The following BUD31 variants were observed in gnomAD, a reference collection of about 807,000 sequenced individuals.
BUD31 encodes BUD31 spliceosome associated protein, also known as protein BUD31 homolog.
A neutral mutation model predicts 17.9 loss-of-function variants in BUD31; 9 were observed. That is an observed-to-expected ratio of 0.50 (90% CI 0.30 to 0.88). The LOEUF is 0.88. Among genes scored for constraint, BUD31 ranks in the 40% least tolerant of loss-of-function variants. The probability of loss-of-function intolerance (pLI) is 0.06; values close to 1 mark genes in which losing one functional copy is unlikely to be tolerated. For missense variants in BUD31, 148 were observed against 184.5 expected (o/e 0.80, Z 1.15); for synonymous variants, 70 against 64.7 (o/e 1.08, Z -0.39).
chr7:99,418,013 G>T (rs1795602660), intron 5 of BUD31: 1 of 1,157,934 alleles, frequency 8.6e-7, no homozygotes, highest in Non-Finnish European at 1.1e-6. Context: ...TGTCGCCCAG[G>T]CTGGAGTGCA....
At chr7:99,415,538 C>G (rs1473315850) in intron 3 of BUD31, among the ~76,000 whole-genome samples, 1 of 152,096 alleles carries the variant, frequency 6.6e-6, no homozygotes, top group African/African-American at 2.4e-5. Context: ...ATGTCAGGCC[C>G]TCCACAAGAG....
intron 3 of BUD31, chr7:99,412,050 A>G (rs1180606547): frequency 1.6e-5 from 3 of 185,218 alleles, no homozygotes; most frequent in Non-Finnish European, 3.5e-5. Context: ...GCTTGTAACT[A>G]ACCTAATCAT....
chr7:99,411,251 G>T, intron 3 of BUD31, 65 bp downstream of exon 3: 1 of 1,220,496 alleles, frequency 8.2e-7, no homozygotes, highest in South Asian at 1.3e-5. Flanking sequence ...ATGCCCCCAG[G>T]GGACAGGCAT....
At chr7:99,415,525 CTG>C (rs1405277988) in intron 3 of BUD31, among the ~76,000 whole-genome samples, 1 of 152,124 alleles carries the variant, frequency 6.6e-6, no homozygotes, top group African/African-American at 2.4e-5. Flanking sequence ...GCGGGCCTGA[CTG>C]ATGTCAGGCC....
At chr7:99,419,355 G>T in intron 5 of BUD31, 36 bp from the exon 6 acceptor site, 1 of 1,611,020 alleles carries the variant, frequency 6.2e-7, no homozygotes. Context: ...CGAGCGTGGC[G>T]CAGTGGCATC....
chr7:99,410,629 C>G (rs1477753055), intron 2 of BUD31, among the ~76,000 whole-genome samples: 1 of 152,142 alleles, frequency 6.6e-6, no homozygotes, highest in Non-Finnish European at 1.5e-5. Flanking sequence ...TTTCTCTTGT[C>G]TGTCTCTTTG....
chr7:99,416,283 A>G, intron 4 of BUD31, 23 bp downstream of exon 4: 1 of 1,604,666 alleles, frequency 6.2e-7, no homozygotes, highest in Admixed American at 1.7e-5. Flanking sequence ...TCTCTCTTGG[A>G]CTTTGAAGCT....
intron 3 of BUD31, chr7:99,411,673 A>G (rs944368856): frequency 1.1e-5 from 5 of 455,856 alleles, no homozygotes; most frequent in Admixed American, 9.4e-5. Context: ...TTGGCCTTAT[A>G]TGATCACAGT....
intron 5 of BUD31, chr7:99,417,974 T>C (rs1795599418): frequency 2.5e-6 from 3 of 1,181,234 alleles, no homozygotes; most frequent in South Asian, 3.3e-5. Flanking sequence ...TCACTATCTT[T>C]CCCGCCCCCC....
chr7:99,419,501 C>A lies in BUD31; in HGVS notation c.*60C>A, dbSNP rs369235347. 1.7e-5 allele frequency: 27 copies of A among 1,593,160 alleles called. No individual in the cohort carries two copies. The highest frequency in any genetic ancestry group is 3.3e-5 in the Admixed American group (2 of 59,894). ...CAGGTTCCTGCCTGTCACGCCACCC[C>A]CTTCCTGGGAGCAGCGAGCAGTGCC... is the stretch of plus-strand genomic sequence containing the variant. On this transcript the variant is annotated 3_prime_UTR_variant, in exon 6 of 6. Transcript: ENST00000222969.
intron 3 of BUD31, chr7:99,415,378 T>C: frequency 4.8e-6 from 2 of 416,308 alleles, no homozygotes; most frequent in South Asian, 3.4e-5. Context: ...CAGAGACTTT[T>C]AGTACTTTCA....
intron 3 of BUD31, 72 bp downstream of exon 3, chr7:99,411,258 G>A: frequency 8.8e-7 from 1 of 1,130,742 alleles, no homozygotes; most frequent in East Asian, 2.4e-5. Context: ...CAGGGGACAG[G>A]CATAAATGCA....
rs1286283669 is a variant in BUD31 at position 99,409,066 on chromosome 7, C to T, written c.-345C>T. ...ACGGCTGAGGCGGGAGACCGGTGGT[C>T]TGCACCGTCCTGGAGGGAGATATGA... On this transcript the variant is annotated 5_prime_UTR_variant, in exon 1 of 6. Transcript: ENST00000222969. 1 of 152,400 alleles carries T rather than the reference C, an allele frequency of 6.6e-6. No individual in the cohort carries two copies. The highest frequency in any genetic ancestry group is 2.4e-5 in the African/African-American group (1 of 41,462). The allele number at this position is 152,400 out of a possible 1,614,324, so 9.4% of individuals were successfully genotyped here. A position where few individuals can be genotyped will look rare whatever the true frequency, so the allele number is the denominator to read the frequency against.
In BUD31 at chr7:99,411,958, G is replaced by A. The variant is rs527313539; in HGVS notation, c.94+772G>A. The A allele has an allele frequency of 4.0e-5, 12 of 296,974 alleles. No homozygotes were observed. The East Asian group carries it at 4.3e-4, about 11-fold the overall frequency. 18.4% of individuals were successfully genotyped at this position (296,974 alleles called of 1,614,324 possible). ...TGGCCTCAAGTGATCCACCCACCTC[G>A]GCCTCCCAAAGTGATGGGATTACAG... On this transcript the variant is annotated intron_variant, in intron 3 of 5. Coordinates refer to ENST00000222969, the MANE Select transcript of BUD31 (RefSeq NM_003910.4).
intron 3 of BUD31, 30 bp downstream of exon 3, chr7:99,411,216 C>G (rs771986237): frequency 1.4e-5 from 23 of 1,587,542 alleles, no homozygotes; most frequent in Non-Finnish European, 2.6e-6. Flanking sequence ...TCTGGGTGGG[C>G]TGGGTCCAAG....
rs1271714922 is a variant in BUD31, at chr7:99,411,049, A to G, written c.-29-15A>G. 1 of 1,554,640 alleles carries G rather than the reference A, an allele frequency of 6.4e-7. No homozygotes were observed. Among genetic ancestry groups the G allele is most frequent in the Non-Finnish European group, 8.8e-7 (1 of 1,130,974 alleles). Reference sequence around the variant, plus strand: ...GGATTTGAGACTCAGAAACCAATTCATTTTTTTCCCCCAGATCTTTGCAGA... The same window carrying G: ...GGATTTGAGACTCAGAAACCAATTCGTTTTTTTCCCCCAGATCTTTGCAGA... On this transcript the variant is annotated splice_polypyrimidine_tract_variant and intron_variant, in intron 2 of 5. Transcript: ENST00000222969.
At chr7:99,410,885 T>C (rs1795154380) in intron 2 of BUD31, among the ~76,000 whole-genome samples, 179 bp from the exon 3 acceptor site, 2 of 152,198 alleles carry the variant, frequency 1.3e-5, no homozygotes, top group African/African-American at 4.8e-5. Context: ...TAAGTACCTT[T>C]CTGAAGATCA....
chr7:99,411,057 C>T lies in BUD31; in HGVS notation c.-29-7C>T, dbSNP rs778731398. ...GACTCAGAAACCAATTCATTTTTTT[C>T]CCCCAGATCTTTGCAGATTATCCTG... On this transcript the variant is annotated splice_region_variant and splice_polypyrimidine_tract_variant and intron_variant, in intron 2 of 5. Coordinates refer to ENST00000222969, the MANE Select transcript of BUD31 (RefSeq NM_003910.4). 3.2e-6 allele frequency: 5 copies of T among 1,564,690 alleles called. No individual in the cohort carries two copies. The highest frequency in any genetic ancestry group is 2.6e-6 in the Non-Finnish European group (3 of 1,140,564).
intron 3 of BUD31, among the ~76,000 whole-genome samples, chr7:99,414,215 C>T (rs959634383): frequency 6.6e-6 from 1 of 151,922 alleles, no homozygotes; most frequent in African/African-American, 2.4e-5. Flanking sequence ...TCTTGGCTCA[C>T]TGCAACCTGT....
Sources: gnomAD v4.1 joint callset for allele counts (sites outside exome capture counted in the v4.1 genomes callset) on GRCh38, gnomAD v4.1.1 for gene constraint, MANE v1.5 for transcripts, NCBI Gene and HGNC (gene_info 2026-07-23, HGNC 2026-07-21) for gene names.